Variants in CTNND2 observed in about 807,000 individuals in gnomAD.
CTNND2 encodes the protein catenin delta 2, also known as catenin delta-2.
CTNND2 carries 22 observed loss-of-function variants against 144.4 expected under a neutral mutation model. That is an observed-to-expected ratio of 0.15 (90% confidence interval 0.11 to 0.22). The LOEUF is 0.22. CTNND2 is among the 10% of genes least tolerant of loss of function. The pLI is 1.00. For synonymous variants in CTNND2, 751 were observed against 695.6 expected, an observed-to-expected ratio of 1.08 and a Z score of -1.25; for missense variants, 1,353 against 1,618.8, an observed-to-expected ratio of 0.84 and a Z score of 2.82.
chr5:11,277,267 A>G (rs561245048), intron 9 of CTNND2, among the ~76,000 whole-genome samples: 108 of 151,980 alleles, frequency 7.1e-4, no homozygotes, highest in African/African-American at 2.4e-3. Flanking sequence ...AGCTTTTGAA[A>G]CTCTCCCTTT....
At chr5:11,434,141 T>C (rs1005917922) in intron 3 of CTNND2, among the ~76,000 whole-genome samples, 2 of 152,202 alleles carry the variant, frequency 1.3e-5, no homozygotes, top group African/African-American at 4.8e-5. Flanking sequence ...TACTCAGCAA[T>C]GTACAGGATG....
At chr5:11,218,081 C>T (rs937293693) in intron 10 of CTNND2, among the ~76,000 whole-genome samples, 3 of 149,732 alleles carry the variant, frequency 2.0e-5, no homozygotes, top group Non-Finnish European at 4.4e-5. Context: ...CTTCCTTTTC[C>T]TCTTCATCTG....
At chr5:11,198,163 C>T (rs758833602) in intron 11 of CTNND2, among the ~76,000 whole-genome samples, 2 of 152,154 alleles carry the variant, frequency 1.3e-5, no homozygotes, top group African/African-American at 2.4e-5. Flanking sequence ...TAACTCACCC[C>T]TAAACTATCA....
intron 9 of CTNND2, among the ~76,000 whole-genome samples, chr5:11,295,842 T>C (rs1037128809): frequency 2.4e-4 from 36 of 152,170 alleles, no homozygotes; most frequent in Non-Finnish European, 1.6e-4. Flanking sequence ...TCAAGATGCA[T>C]TAAAGACTTA....
intron 16 of CTNND2, among the ~76,000 whole-genome samples, chr5:11,039,507 GC>G (rs1008518339): frequency 1.3e-5 from 2 of 152,114 alleles, no homozygotes; most frequent in African/African-American, 4.8e-5. Context: ...CTCCACATCT[GC>G]CCCTTTGCTC....
intron 3 of CTNND2, among the ~76,000 whole-genome samples, chr5:11,445,875 T>C (rs1764752050): frequency 6.6e-6 from 1 of 152,182 alleles, no homozygotes. Context: ...TTCTCAACAA[T>C]TAAACGTAAA....
intron 3 of CTNND2, among the ~76,000 whole-genome samples, chr5:11,434,032 G>C (rs114710128): frequency 6.6e-6 from 1 of 152,146 alleles, no homozygotes; most frequent in African/African-American, 2.4e-5. Flanking sequence ...AATGTACTTA[G>C]TAGTTTTATT....
rs193196691 is a variant in CTNND2, at chr5:11,668,201, T to C, written c.174+63935A>G. 3.9e-4 allele frequency among the ~76,000 whole-genome samples: 60 copies of C among 152,370 alleles called. No individual in the cohort carries two copies. The East Asian group carries it at 0.011, about 28-fold the overall frequency. On this transcript the variant is annotated intron_variant, in intron 2 of 21. Transcript: ENST00000304623. ...TATAGTTTGAAGTCAGGTAGCATGA[T>C]GCCCTAGCTTTGTTCTTTTTGCTTA...
intron 9 of CTNND2, among the ~76,000 whole-genome samples, chr5:11,317,013 T>C (rs568988887): frequency 1.3e-5 from 2 of 152,152 alleles, no homozygotes; most frequent in South Asian, 2.1e-4. Context: ...GCCAAGGATA[T>C]GAACAGACAC....
chr5:11,734,646 G>A (rs1209286104), intron 1 of CTNND2, among the ~76,000 whole-genome samples: 2 of 152,102 alleles, frequency 1.3e-5, no homozygotes, highest in East Asian at 1.9e-4. Flanking sequence ...CAGGAACCAG[G>A]GTTGTGTAAA....
chr5:11,486,347 T>G (rs1337551365), intron 3 of CTNND2, among the ~76,000 whole-genome samples: 1 of 152,114 alleles, frequency 6.6e-6, no homozygotes, highest in Non-Finnish European at 1.5e-5. Context: ...GGTGATAATA[T>G]CCAGTAGATC....
At chr5:11,465,536 G>T (rs1766592755) in intron 3 of CTNND2, among the ~76,000 whole-genome samples, 1 of 152,126 alleles carries the variant, frequency 6.6e-6, no homozygotes, top group South Asian at 2.1e-4. Context: ...CAGCTTTCCT[G>T]TCACCTTTAT....
intron 16 of CTNND2, among the ~76,000 whole-genome samples, chr5:11,070,932 G>A (rs979518595): frequency 1.3e-5 from 2 of 151,696 alleles, no homozygotes; most frequent in Non-Finnish European, 1.5e-5. Flanking sequence ...GATATAGTGT[G>A]TATATGGAGA....
chr5:11,033,310 A>T (rs1298816387), intron 16 of CTNND2, among the ~76,000 whole-genome samples: 1 of 152,178 alleles, frequency 6.6e-6, no homozygotes, highest in Non-Finnish European at 1.5e-5. Flanking sequence ...CAGCTTACCC[A>T]AGAGTTTGCT....
chr5:11,431,941 G>A (rs780084123), intron 3 of CTNND2, among the ~76,000 whole-genome samples: 2 of 152,160 alleles, frequency 1.3e-5, no homozygotes, highest in South Asian at 4.2e-4. Context: ...TTGTAAATTC[G>A]CATGGTATAT....
chr5:11,455,869 C>T (rs1049910986), intron 3 of CTNND2, among the ~76,000 whole-genome samples: 8 of 152,056 alleles, frequency 5.3e-5, no homozygotes, highest in African/African-American at 1.7e-4. Context: ...CTTGCTCAGG[C>T]GCCTTTGAGA....
rs188192714 is a variant in CTNND2 at position 11,169,497 on chromosome 5, C to G, written c.1976-9738G>C. Reference sequence around the variant, plus strand: ...ATAAATTCATCACCTTATCTCTATGCATGGAACAAAGGGTATTGAGCTGTT... The same window carrying G: ...ATAAATTCATCACCTTATCTCTATGGATGGAACAAAGGGTATTGAGCTGTT... On this transcript the variant is annotated intron_variant, in intron 11 of 21. Coordinates refer to ENST00000304623, the MANE Select transcript of CTNND2 (RefSeq NM_001332.4). Among the ~76,000 whole-genome samples the G allele has an allele frequency of 1.3e-3, 200 of 152,290 alleles. 1 individual carries two copies. The highest frequency in any genetic ancestry group is 4.1e-3 in the African/African-American group (171 of 41,560).
In CTNND2 at chr5:11,443,248, G is replaced by GC. The variant is rs1561401534; in HGVS notation, c.288-31180_288-31179insG. ...GTATGTGTGTGTGATGTGTGTGTGT[G>GC]TGTGCTGTGTGTGGTGTGTGTGTGG... On this transcript the variant is annotated intron_variant, in intron 3 of 21. Transcript: ENST00000304623. Among the ~76,000 whole-genome samples, 632 of 121,562 alleles carry GC rather than the reference G, an allele frequency of 5.2e-3. 8 individuals are homozygous for GC. The highest frequency in any genetic ancestry group is 0.027 in the Middle Eastern group (6 of 226). 79.7% of individuals were successfully genotyped at this position (121,562 alleles called of 152,430 possible).
At chr5:11,197,287 C>A (rs1736954794) in intron 11 of CTNND2, among the ~76,000 whole-genome samples, 1 of 152,164 alleles carries the variant, frequency 6.6e-6, no homozygotes, top group South Asian at 2.1e-4. Context: ...CCAAGCACAA[C>A]ATGAAAATGC....
Sources: gnomAD v4.1 joint callset for allele counts (sites outside exome capture counted in the v4.1 genomes callset) on GRCh38, gnomAD v4.1.1 for gene constraint, MANE v1.5 for transcripts, NCBI Gene and HGNC (gene_info 2026-07-23, HGNC 2026-07-21) for gene names.